Variants in ZNF516 observed in about 807,000 individuals in gnomAD.
The protein encoded by ZNF516 is zinc finger protein 516.
ZNF516 carries 19 observed loss-of-function variants against 79.7 expected under a neutral mutation model. The ratio of observed to expected loss-of-function variants is 0.24; its 90% CI spans 0.17 to 0.35. ZNF516 has a LOEUF of 0.35. Among genes scored for constraint, ZNF516 ranks in the 10% least tolerant of loss-of-function variants. The probability of loss-of-function intolerance (pLI) is 1.00; values close to 1 mark genes in which losing one functional copy is unlikely to be tolerated. For synonymous variants in ZNF516, 877 were observed against 739.5 expected, an observed-to-expected ratio of 1.19 and a Z score of -3.02; for missense variants, 1,678 against 1,679.5, an observed-to-expected ratio of 1.00 and a Z score of 0.02.
At position 76,451,914 on chromosome 18, in the gene ZNF516, C is replaced by T. The variant is rs1188271022; in HGVS notation, c.-157-8703G>A. Among the ~76,000 whole-genome samples, 1 of 152,172 alleles carries T rather than the reference C, an allele frequency of 6.6e-6. No individual in the cohort carries two copies. Among genetic ancestry groups the T allele is most frequent in the Non-Finnish European group, 1.5e-5 (1 of 68,030 alleles). On this transcript the variant is annotated intron_variant, in intron 2 of 6. Transcript: ENST00000443185. This position sits in a 1 kb window ranked among gnomAD's most constrained non-coding sequence, Gnocchi z 6.0. ...CCAGTAACAATTACAGGCTTATAGTCCCCAGACTGGGGTCCCGAAGAGCCC... is the reference window on the plus strand; with the variant it reads ...CCAGTAACAATTACAGGCTTATAGTTCCCAGACTGGGGTCCCGAAGAGCCC...
chr18:76,424,452 T>A (rs1267062177), intron 3 of ZNF516, among the ~76,000 whole-genome samples: 4 of 92,674 alleles, frequency 4.3e-5, no homozygotes, highest in Admixed American at 2.6e-4. Flanking sequence ...AAAGGCTCCC[T>A]CGAGACACAC....
intron 2 of ZNF516, among the ~76,000 whole-genome samples, chr18:76,446,798 C>G (rs1912078437): frequency 6.6e-6 from 1 of 152,204 alleles, no homozygotes; most frequent in Non-Finnish European, 1.5e-5. Flanking sequence ...TCCCATCTTT[C>G]AAAAATAAGA....
intron 3 of ZNF516, among the ~76,000 whole-genome samples, chr18:76,404,458 CAA>C (rs542904554): frequency 2.6e-5 from 4 of 151,644 alleles, no homozygotes; most frequent in Admixed American, 6.6e-5. Flanking sequence ...TGTGTGTGAG[CAA>C]GTTTGTGTTT....
At chr18:76,484,474 C>T (rs1053971045) in intron 1 of ZNF516, among the ~76,000 whole-genome samples, 3 of 152,218 alleles carry the variant, frequency 2.0e-5, no homozygotes, top group Admixed American at 2.0e-4. Flanking sequence ...CGATATAACA[C>T]CGTGCTCTAA....
chr18:76,410,225 G>A (rs764984600), intron 3 of ZNF516, among the ~76,000 whole-genome samples: 1 of 152,248 alleles, frequency 6.6e-6, no homozygotes, highest in Non-Finnish European at 1.5e-5. Flanking sequence ...AGGGAAGTAT[G>A]AGGGCTCGCC....
At chr18:76,408,655 G>A (rs138143319) in intron 3 of ZNF516, among the ~76,000 whole-genome samples, 2 of 152,276 alleles carry the variant, frequency 1.3e-5, no homozygotes, top group Non-Finnish European at 2.9e-5. Context: ...GACCGCTAAC[G>A]ACAGAAAGAG....
intron 6 of ZNF516, among the ~76,000 whole-genome samples, chr18:76,368,212 C>T (rs971505677): frequency 6.6e-6 from 1 of 152,026 alleles, no homozygotes; most frequent in Non-Finnish European, 1.5e-5. Context: ...ACAAGGAACC[C>T]TAGGATTTAA....
intron 1 of ZNF516, among the ~76,000 whole-genome samples, chr18:76,476,676 G>GT (rs1914192127): frequency 6.6e-6 from 1 of 152,230 alleles, no homozygotes; most frequent in Non-Finnish European, 1.5e-5. Flanking sequence ...TTTTGTGTCA[G>GT]TTTTCCACTA....
intron 1 of ZNF516, among the ~76,000 whole-genome samples, chr18:76,473,898 T>TGTGTG (rs1914014402): frequency 1.8e-4 from 5 of 27,892 alleles, no homozygotes; most frequent in African/African-American, 5.2e-4. Flanking sequence ...TTGGTTGTTT[T>TGTGTG]TGTGTGGGGG....
At chr18:76,479,617 G>A (rs1481661569) in intron 1 of ZNF516, among the ~76,000 whole-genome samples, 1 of 152,246 alleles carries the variant, frequency 6.6e-6, no homozygotes, top group Non-Finnish European at 1.5e-5. Flanking sequence ...GCCACACCAA[G>A]ATTCCTTCCT....
At chr18:76,492,650 C>T in intron 1 of ZNF516, 1 of 919,908 alleles carries the variant, frequency 1.1e-6, no homozygotes, top group Non-Finnish European at 1.3e-6. Context: ...ACCAAAAACG[C>T]ACCAGGGCGC....
At chr18:76,466,696 G>A (rs1390928043) in intron 1 of ZNF516, among the ~76,000 whole-genome samples, 1 of 152,240 alleles carries the variant, frequency 6.6e-6, no homozygotes, top group East Asian at 1.9e-4. Context: ...ATGGGTGTGA[G>A]GCAAGACACC....
At chr18:76,438,755 TC>T (rs774978627) in intron 3 of ZNF516, among the ~76,000 whole-genome samples, 45 of 152,338 alleles carry the variant, frequency 3.0e-4, no homozygotes, top group Admixed American at 7.8e-4. Context: ...GAAACAGCAT[TC>T]AAATCAATTC....
At chr18:76,458,795 C>CGTGCCTCACCGTCGTGT (rs1338470164) in intron 2 of ZNF516, among the ~76,000 whole-genome samples, 4 of 145,336 alleles carry the variant, frequency 2.8e-5, no homozygotes, top group African/African-American at 7.8e-5. Flanking sequence ...CACCGTCGTG[C>CGTGCCTCACCGTCGTGT]GTGTGCGTGC....
chr18:76,369,784 C>T (rs2074673032), intron 6 of ZNF516, among the ~76,000 whole-genome samples: 1 of 152,234 alleles, frequency 6.6e-6, no homozygotes, highest in South Asian at 2.1e-4. Context: ...TTGGAGAAAG[C>T]CAGAATGTTA....
intron 3 of ZNF516, among the ~76,000 whole-genome samples, chr18:76,440,822 G>T (rs1748802036): frequency 1.3e-5 from 2 of 152,136 alleles, no homozygotes; most frequent in Non-Finnish European, 2.9e-5. Flanking sequence ...AAAGAAGGGG[G>T]TGAATGTCTC....
rs73975488 is a variant in ZNF516, at chr18:76,467,474, T to C, written c.-271-4333A>G. 0.029 allele frequency among the ~76,000 whole-genome samples: 4,466 copies of C among 152,224 alleles called. 212 individuals are homozygous for C. Among genetic ancestry groups the C allele is most frequent in the African/African-American group, 0.1 (4,235 of 41,524 alleles). Reference sequence around the variant, plus strand: ...GATCTCTCTCGCCCTAACTAGATATTAAGCACACCTCGGGGGCAGTGCTGG... The same window carrying C: ...GATCTCTCTCGCCCTAACTAGATATCAAGCACACCTCGGGGGCAGTGCTGG... On this transcript the variant is annotated intron_variant, in intron 1 of 6. Coordinates refer to ENST00000443185, the MANE Select transcript of ZNF516 (RefSeq NM_014643.4). This position sits in a 1 kb window ranked among gnomAD's most constrained non-coding sequence, Gnocchi z 4.2.
intron 3 of ZNF516, among the ~76,000 whole-genome samples, chr18:76,382,094 T>C (rs1008833689): frequency 1.3e-5 from 2 of 152,244 alleles, no homozygotes; most frequent in African/African-American, 2.4e-5. Flanking sequence ...ATCACGCCAC[T>C]GCACTCCAGC....
rs1913535267 is a variant in ZNF516 at position 76,467,211 on chromosome 18, CCCTCT to C, written c.-271-4075_-271-4071del. ...TCTCTCGGAACCTGCAGCTCACAGCCCCTCTGGGCTGGCAGGAAGTCCTGCGTGTC... is the reference window on the plus strand; with the variant it reads ...TCTCTCGGAACCTGCAGCTCACAGCCGGGCTGGCAGGAAGTCCTGCGTGTC... On this transcript the variant is annotated intron_variant, in intron 1 of 6. Coordinates refer to ENST00000443185, the MANE Select transcript of ZNF516 (RefSeq NM_014643.4). This position sits in a 1 kb window ranked among gnomAD's most constrained non-coding sequence, Gnocchi z 4.2. 4.4e-5 allele frequency among the ~76,000 whole-genome samples: 1 copy of C among 22,672 alleles called. No homozygotes were observed. The highest frequency in any genetic ancestry group is 1.2e-4 in the African/African-American group (1 of 8,432). 14.9% of individuals were successfully genotyped at this position (22,672 alleles called of 152,430 possible). A position where few individuals can be genotyped will look rare whatever the true frequency, so the allele number is the denominator to read the frequency against.
Sources: allele counts gnomAD v4.1 joint callset (sites outside exome capture counted in the v4.1 genomes callset), GRCh38; gene constraint gnomAD v4.1.1; non-coding constraint Gnocchi (gnomAD v3.1); transcripts MANE v1.5; gene names NCBI Gene and HGNC (gene_info 2026-07-23, HGNC 2026-07-21).